The following OSBPL6 variants were observed in gnomAD, a reference collection of about 807,000 sequenced individuals.
The protein encoded by OSBPL6 is oxysterol-binding protein-related protein 6.
A neutral mutation model predicts 125.8 loss-of-function variants in OSBPL6; 49 were observed. The ratio of observed to expected loss-of-function variants is 0.39; its 90% CI spans 0.31 to 0.49. The LOEUF is 0.49. Ranked by LOEUF, OSBPL6 falls within the 20% of genes least tolerant of loss-of-function variation. OSBPL6 has a pLI of 0.88. For synonymous variants in OSBPL6, 394 were observed against 391.8 expected (o/e 1.01, Z -0.07); for missense variants, 986 against 1,135.4 (o/e 0.87, Z 1.89).
chr2:178,234,600 G>A (rs2090973826), intron 1 of OSBPL6, among the ~76,000 whole-genome samples: 1 of 152,130 alleles, frequency 6.6e-6, no homozygotes, highest in Non-Finnish European at 1.5e-5. Flanking sequence ...AATCCACAGA[G>A]CTTATTCAAA....
intron 2 of OSBPL6, among the ~76,000 whole-genome samples, chr2:178,287,444 G>T (rs1253763603): frequency 2.6e-5 from 4 of 152,150 alleles, no homozygotes; most frequent in Non-Finnish European, 5.9e-5. Context: ...CATGGATTCT[G>T]TTAGATCAGT....
intron 5 of OSBPL6, among the ~76,000 whole-genome samples, chr2:178,329,205 G>C (rs1688969691): frequency 6.6e-6 from 1 of 152,082 alleles, no homozygotes; most frequent in African/African-American, 2.4e-5. Flanking sequence ...GGAGTTCACT[G>C]ATCCCAGAAG....
At chr2:178,289,016 CTTT>C (rs58943076) in intron 2 of OSBPL6, among the ~76,000 whole-genome samples, 6 of 130,600 alleles carry the variant, frequency 4.6e-5, no homozygotes, top group Admixed American at 2.3e-4. Flanking sequence ...TCTTTTTCTT[CTTT>C]TTTTTTTTTT....
intron 2 of OSBPL6, among the ~76,000 whole-genome samples, chr2:178,291,726 CTCCT>C (rs1388346667): frequency 6.7e-6 from 1 of 148,822 alleles, no homozygotes; most frequent in Non-Finnish European, 1.5e-5. Flanking sequence ...CCCTCCCTCC[CTCCT>C]TCCTTTCTTT....
At chr2:178,252,635 T>C (rs953253389) in intron 1 of OSBPL6, among the ~76,000 whole-genome samples, 28 of 152,134 alleles carry the variant, frequency 1.8e-4, no homozygotes, top group African/African-American at 6.5e-4. Flanking sequence ...CAGATGCTGA[T>C]CTACATCACA....
At position 178,395,974 on chromosome 2, in the gene OSBPL6, A is replaced by G; in HGVS notation, c.*415A>G. 2.8e-6 allele frequency: 1 copy of G among 355,526 alleles called. No individual in the cohort carries two copies. The highest frequency in any genetic ancestry group is 5.4e-6 in the Non-Finnish European group (1 of 183,554). The allele number at this position is 355,526 out of a possible 1,614,324, so 22.0% of individuals were successfully genotyped here. ...GTCTGGAAGCACCATCCCCTATCGC[A>G]GGACTCCTGGGCCACAAGCAGTCGG... On this transcript the variant is annotated 3_prime_UTR_variant, in exon 25 of 25. Coordinates refer to ENST00000190611, the MANE Select transcript of OSBPL6 (RefSeq NM_032523.4).
chr2:178,313,593 A>C (rs1687483281), intron 3 of OSBPL6, among the ~76,000 whole-genome samples: 1 of 152,208 alleles, frequency 6.6e-6, no homozygotes, highest in Non-Finnish European at 1.5e-5. Flanking sequence ...TTAAGGAAAA[A>C]ATATAAATAA....
intron 1 of OSBPL6, among the ~76,000 whole-genome samples, chr2:178,196,508 T>A (rs980855080): frequency 6.6e-6 from 1 of 152,196 alleles, no homozygotes; most frequent in Non-Finnish European, 1.5e-5. Flanking sequence ...TTGGCTTTAG[T>A]ATGAGGTAGT....
At chr2:178,360,174 A>G (rs1235075912) in intron 12 of OSBPL6, among the ~76,000 whole-genome samples, 1 of 152,204 alleles carries the variant, frequency 6.6e-6, no homozygotes, top group African/African-American at 2.4e-5. Flanking sequence ...TCAAGTATAT[A>G]TAGAGAGAGA....
rs949636721 is a variant in OSBPL6, at chr2:178,384,333, T to G, written c.2013+157T>G. ...GTCTTAATCAGTTTAGAAAGTTTAT[T>G]TTGCCAAGGTTAAGGACACACCCAT... On this transcript the variant is annotated intron_variant, in intron 18 of 24. Coordinates refer to ENST00000190611, the MANE Select transcript of OSBPL6 (RefSeq NM_032523.4). Among the ~76,000 whole-genome samples, 4 of 152,202 alleles carry G rather than the reference T, an allele frequency of 2.6e-5. No homozygotes were observed. In the East Asian group the frequency reaches 7.7e-4, roughly 29 times the overall value.
chr2:178,354,799 A>G (rs1691613692), intron 12 of OSBPL6, among the ~76,000 whole-genome samples: 1 of 152,216 alleles, frequency 6.6e-6, no homozygotes, highest in Admixed American at 6.5e-5. Context: ...TCTCAGCACC[A>G]CATCACACTT....
chr2:178,213,663 G>A (rs186709079), intron 1 of OSBPL6, among the ~76,000 whole-genome samples: 79 of 152,282 alleles, frequency 5.2e-4, no homozygotes, highest in African/African-American at 1.9e-3. Flanking sequence ...GCTTAAACAC[G>A]TGCAGTTGCT....
chr2:178,212,791 T>G (rs2089919274), intron 1 of OSBPL6, among the ~76,000 whole-genome samples: 1 of 151,260 alleles, frequency 6.6e-6, no homozygotes, highest in Non-Finnish European at 1.5e-5. Flanking sequence ...GTGCCCTGTG[T>G]GAACACAGAC....
At chr2:178,277,689 T>G (rs925601884) in intron 1 of OSBPL6, among the ~76,000 whole-genome samples, 1 of 152,244 alleles carries the variant, frequency 6.6e-6, no homozygotes, top group Non-Finnish European at 1.5e-5. Flanking sequence ...GTTTTGTTTC[T>G]CACTGATTAT....
intron 1 of OSBPL6, among the ~76,000 whole-genome samples, chr2:178,222,663 T>TAAAA (rs1278382384): frequency 6.6e-6 from 1 of 152,014 alleles, no homozygotes; most frequent in African/African-American, 2.4e-5. Context: ...AATAAATAAA[T>TAAAA]AAAACAGAAT....
intron 1 of OSBPL6, among the ~76,000 whole-genome samples, chr2:178,200,301 G>A (rs927443572): frequency 8.5e-5 from 11 of 129,372 alleles, no homozygotes; most frequent in African/African-American, 3.4e-4. Context: ...ACCCAGGCCC[G>A]AGTGCAGCGG....
intron 12 of OSBPL6, 109 bp from the exon 13 acceptor site, chr2:178,361,573 C>A: frequency 7.5e-7 from 1 of 1,331,638 alleles, no homozygotes; most frequent in Non-Finnish European, 1.0e-6. Flanking sequence ...TATTACATAG[C>A]CTTTCCAAAA....
chr2:178,332,795 G>C (rs771760560), intron 7 of OSBPL6, 41 bp downstream of exon 7: 32 of 1,611,066 alleles, frequency 2.0e-5, no homozygotes, highest in Non-Finnish European at 2.4e-5. Context: ...ATTATCAGGG[G>C]AAACGATTTG....
At chr2:178,389,197 G>A (rs751871485) in intron 21 of OSBPL6, 44 bp downstream of exon 21, 2 of 1,575,806 alleles carry the variant, frequency 1.3e-6, no homozygotes, top group Admixed American at 1.7e-5. Context: ...AGTATAAAAT[G>A]CTTCTTAAAG....
Sources: allele counts gnomAD v4.1 joint callset (sites outside exome capture counted in the v4.1 genomes callset), GRCh38; gene constraint gnomAD v4.1.1; transcripts MANE v1.5; gene names NCBI Gene and HGNC (gene_info 2026-07-23, HGNC 2026-07-21).